Variants in NPAS2 observed in about 807,000 individuals in gnomAD.
NPAS2 encodes the protein neuronal PAS domain-containing protein 2.
In NPAS2, 23 loss-of-function variants were observed where a neutral mutation model predicts 107.5. The observed-to-expected ratio is 0.21, with a 90% CI of 0.15 to 0.30. The LOEUF is 0.30. NPAS2 is among the 10% of genes least tolerant of loss of function. The pLI, the probability that NPAS2 is intolerant of heterozygous loss-of-function variation, is 1.00. For synonymous variants in NPAS2, 403 were observed against 417.5 expected (o/e 0.97, Z 0.42); for missense variants, 756 against 1,043.3 (o/e 0.72, Z 3.79).
At chr2:100,844,600 A>T (rs376324334) in intron 1 of NPAS2, among the ~76,000 whole-genome samples, 31 of 152,070 alleles carry the variant, frequency 2.0e-4, no homozygotes, top group East Asian at 5.8e-4. Flanking sequence ...AACCCTTAAT[A>T]TTAATTTTTC....
intron 1 of NPAS2, among the ~76,000 whole-genome samples, chr2:100,880,818 T>C (rs907377823): frequency 6.6e-6 from 1 of 152,146 alleles, no homozygotes; most frequent in African/African-American, 2.4e-5. Flanking sequence ...CCTGGACATA[T>C]GGCAAGAGGA....
intron 5 of NPAS2, among the ~76,000 whole-genome samples, chr2:100,944,292 G>T (rs911772751): frequency 6.6e-6 from 1 of 152,088 alleles, no homozygotes; most frequent in Non-Finnish European, 1.5e-5. Context: ...AGCGCCTCAG[G>T]GACACTCTGG....
At chr2:100,855,834 C>G (rs1678519260) in intron 1 of NPAS2, among the ~76,000 whole-genome samples, 2 of 152,196 alleles carry the variant, frequency 1.3e-5, no homozygotes, top group South Asian at 4.1e-4. Context: ...ATCACTGGCT[C>G]TTGACCAACT....
intron 3 of NPAS2, among the ~76,000 whole-genome samples, chr2:100,927,024 C>T (rs1397816593): frequency 6.6e-5 from 10 of 150,430 alleles, no homozygotes; most frequent in East Asian, 2.0e-4. Context: ...CTGCAAGCTC[C>T]GCCTCCAGGG....
intron 1 of NPAS2, among the ~76,000 whole-genome samples, chr2:100,891,460 C>G (rs1011552745): frequency 6.6e-6 from 1 of 152,154 alleles, no homozygotes; most frequent in Admixed American, 6.5e-5. Flanking sequence ...CTAAAGTCAC[C>G]ATTTCTGACC....
At chr2:100,898,610 A>G (rs1681571901) in intron 1 of NPAS2, among the ~76,000 whole-genome samples, 1 of 152,238 alleles carries the variant, frequency 6.6e-6, no homozygotes, top group Non-Finnish European at 1.5e-5. Context: ...TTCAAGTGAA[A>G]TGCTCAATAT....
At chr2:100,993,876 C>T (rs1678289080) in intron 20 of NPAS2, 1 of 239,834 alleles carries the variant, frequency 4.2e-6, no homozygotes, top group Non-Finnish European at 7.9e-6. Context: ...TTGGACTTTT[C>T]AGTGTGTTTA....
At chr2:100,904,144 A>G (rs900144702) in intron 1 of NPAS2, among the ~76,000 whole-genome samples, 3 of 151,868 alleles carry the variant, frequency 2.0e-5, no homozygotes, top group African/African-American at 7.3e-5. Flanking sequence ...TGTGGTTTGA[A>G]TGGACAGATA....
At chr2:100,876,456 C>A (rs895028713) in intron 1 of NPAS2, among the ~76,000 whole-genome samples, 3 of 152,236 alleles carry the variant, frequency 2.0e-5, no homozygotes, top group Admixed American at 2.0e-4. Context: ...CTCTTCCTTT[C>A]GGACCTGGCC....
chr2:100,975,037 C>A, intron 13 of NPAS2, 93 bp downstream of exon 13: 1 of 1,380,160 alleles, frequency 7.2e-7, no homozygotes, highest in Admixed American at 2.1e-5. Context: ...GGAATCAGGG[C>A]AGTCTGTGCC....
At chr2:100,948,083 G>A (rs1199087896) in intron 5 of NPAS2, 152 bp from the exon 6 acceptor site, 5 of 796,210 alleles carry the variant, frequency 6.3e-6, no homozygotes, top group Non-Finnish European at 1.0e-5. Flanking sequence ...AAACAATGGA[G>A]TGATAAACTG....
chr2:100,859,039 T>C (rs927175039), intron 1 of NPAS2, among the ~76,000 whole-genome samples: 1 of 152,194 alleles, frequency 6.6e-6, no homozygotes, highest in African/African-American at 2.4e-5. Context: ...CCAAGGCAGG[T>C]GGATCACTTG....
chr2:100,933,068 G>A (rs1311792235), intron 4 of NPAS2, 67 bp downstream of exon 4: 1 of 1,192,480 alleles, frequency 8.4e-7, no homozygotes, highest in South Asian at 1.2e-5. Flanking sequence ...TTGCAGATAA[G>A]TCCCTGTACC....
chr2:100,925,334 C>T, intron 3 of NPAS2, 40 bp downstream of exon 3: 2 of 1,604,936 alleles, frequency 1.2e-6, no homozygotes, highest in African/African-American at 2.7e-5. Context: ...TCCACCCTGC[C>T]CCGTCCATGT....
intron 1 of NPAS2, among the ~76,000 whole-genome samples, chr2:100,885,076 G>A (rs139886266): frequency 0.017 from 2,615 of 151,968 alleles, 34 homozygotes; most frequent in South Asian, 0.032. Context: ...AGCCTCCCGC[G>A]TAGCTGGGAC....
intron 1 of NPAS2, among the ~76,000 whole-genome samples, chr2:100,885,931 G>C (rs1680670863): frequency 6.6e-6 from 1 of 152,178 alleles, no homozygotes; most frequent in Non-Finnish European, 1.5e-5. Context: ...AAAGTACTGG[G>C]ATTACAGGCA....
intron 1 of NPAS2, among the ~76,000 whole-genome samples, chr2:100,858,528 G>A (rs749129760): frequency 2.6e-5 from 4 of 152,224 alleles, no homozygotes; most frequent in East Asian, 1.9e-4. Context: ...GTTCCCTTTC[G>A]TTATGGGGAA....
intron 7 of NPAS2, among the ~76,000 whole-genome samples, chr2:100,961,639 A>C (rs920224278): frequency 4.6e-5 from 7 of 152,250 alleles, no homozygotes; most frequent in Non-Finnish European, 1.0e-4. Flanking sequence ...CCAGGCCAAC[A>C]GTAAGCTCTG....
intron 7 of NPAS2, among the ~76,000 whole-genome samples, chr2:100,951,290 A>G (rs1025779152): frequency 6.6e-6 from 1 of 152,180 alleles, no homozygotes; most frequent in Admixed American, 6.5e-5. Context: ...TCCTCAAAAG[A>G]TTAAACATAG....
Sources: allele counts gnomAD v4.1 joint callset (sites outside exome capture counted in the v4.1 genomes callset), GRCh38; gene constraint gnomAD v4.1.1; transcripts MANE v1.5; gene names NCBI Gene and HGNC (gene_info 2026-07-23, HGNC 2026-07-21).